Variants in RNF212B observed in about 807,000 individuals in gnomAD.
RNF212B encodes the protein E3 ubiquitin-protein ligase RNF212B.
In RNF212B, 52 loss-of-function variants were observed where a neutral mutation model predicts 55.5. The ratio of observed to expected loss-of-function variants is 0.94; its 90% CI spans 0.75 to 1.18. RNF212B has a LOEUF of 1.18. RNF212B is among the 50% of genes most tolerant of loss of function. The pLI, the probability that RNF212B is intolerant of heterozygous loss-of-function variation, is 0.00. For synonymous variants in RNF212B, 99 were observed against 121.4 expected (o/e 0.82, Z 1.21); for missense variants, 289 against 350.4 (o/e 0.82, Z 1.40).
intron 2 of RNF212B, among the ~76,000 whole-genome samples, chr14:23,213,079 G>A (rs1259833087): frequency 1.3e-5 from 2 of 151,988 alleles, no homozygotes; most frequent in Non-Finnish European, 2.9e-5. Context: ...TTGGGAGGCC[G>A]AGGTGGGCAT....
At chr14:23,212,323 G>A (rs1163524478) in intron 2 of RNF212B, among the ~76,000 whole-genome samples, 2 of 152,164 alleles carry the variant, frequency 1.3e-5, no homozygotes, top group African/African-American at 4.8e-5. Context: ...AACTGGAAAG[G>A]AAGAAGGAAA....
intron 1 of RNF212B, among the ~76,000 whole-genome samples, chr14:23,187,853 T>G (rs1877746465): frequency 6.6e-6 from 1 of 152,088 alleles, no homozygotes; most frequent in South Asian, 2.1e-4. Flanking sequence ...GTCGATTAGA[T>G]GGGGCCTTCC....
Position 23,273,221 on chromosome 14 carries a change from A to C in RNF212B, c.*330A>C, listed in dbSNP as rs1437324662. The C allele has an allele frequency of 9.7e-5, 20 of 206,248 alleles. No individual in the cohort carries two copies. The East Asian group carries it at 2.5e-3, about 26-fold the overall frequency. 12.8% of individuals were successfully genotyped at this position (206,248 alleles called of 1,614,324 possible). On this transcript the variant is annotated 3_prime_UTR_variant, in exon 15 of 15. Coordinates refer to ENST00000430154, the MANE Select transcript of RNF212B (RefSeq NM_001282322.3). ...TTGGGAGTTGGGAATGGGGATTGTG[A>C]TGGATCATATACTCATCACTGTTTC...
At chr14:23,253,468 G>C (rs974525091) in intron 4 of RNF212B, among the ~76,000 whole-genome samples, 1 of 151,902 alleles carries the variant, frequency 6.6e-6, no homozygotes, top group Non-Finnish European at 1.5e-5. Context: ...ATGTTCCTCT[G>C]TCCTCTATTT....
chr14:23,223,054 C>CAAA (rs55694130), intron 2 of RNF212B, among the ~76,000 whole-genome samples: 14 of 124,720 alleles, frequency 1.1e-4, no homozygotes, highest in East Asian at 4.6e-4. Context: ...AACTCCGTCT[C>CAAA]AAAAAAAAAA....
rs941533669 is a variant in RNF212B, at chr14:23,270,735, G to C, written c.834+74G>C. 3.1e-6 allele frequency: 3 copies of C among 979,282 alleles called. No individual in the cohort carries two copies. The Admixed American group carries it at 6.0e-5, about 20-fold the overall frequency. The allele number at this position is 979,282 out of a possible 1,614,324, so 60.7% of individuals were successfully genotyped here. On this transcript the variant is annotated intron_variant, in intron 14 of 14. Transcript: ENST00000430154. ...TAGGCCTGCACACTAAATGCCTCAG[G>C]GTAGTGGAATATAACCAGTGAAGAA...
intron 4 of RNF212B, among the ~76,000 whole-genome samples, chr14:23,247,436 C>T (rs1185817442): frequency 6.7e-6 from 1 of 148,952 alleles, no homozygotes; most frequent in Non-Finnish European, 1.5e-5. Flanking sequence ...CATCCCCAGG[C>T]GATCACTAAT....
upstream of RNF212B, among the ~76,000 whole-genome samples, chr14:23,237,319 G>C (rs558810840): frequency 1.3e-5 from 2 of 152,114 alleles, no homozygotes; most frequent in East Asian, 3.9e-4. Flanking sequence ...TAGTAGAAGC[G>C]GGGTTTCGCC....
intron 2 of RNF212B, among the ~76,000 whole-genome samples, chr14:23,225,705 C>CA (rs545133264): frequency 1.0e-3 from 151 of 150,358 alleles, no homozygotes; most frequent in Non-Finnish European, 1.8e-3. Flanking sequence ...TAATGCATAC[C>CA]AAAAAAAATA....
intron 2 of RNF212B, among the ~76,000 whole-genome samples, chr14:23,216,924 A>G (rs111619751): frequency 0.012 from 1,776 of 145,162 alleles, 36 homozygotes; most frequent in African/African-American, 0.04. Context: ...CAAAGGTTAC[A>G]GATTGTATGA....
At chr14:23,225,864 T>C (rs1284846165) in intron 2 of RNF212B, among the ~76,000 whole-genome samples, 2 of 152,122 alleles carry the variant, frequency 1.3e-5, no homozygotes, top group African/African-American at 4.8e-5. Flanking sequence ...ACACAAAGGA[T>C]AAAAGCACGA....
chr14:23,235,796 C>CT (rs1883052941), upstream of RNF212B, among the ~76,000 whole-genome samples: 1 of 152,170 alleles, frequency 6.6e-6, no homozygotes, highest in African/African-American at 2.4e-5. Flanking sequence ...CCAGTTTGGT[C>CT]TAAATGTATG....
rs1881413213 is a variant in RNF212B, at chr14:23,219,944, G to A, written c.-1-20401G>A. 2.0e-5 allele frequency among the ~76,000 whole-genome samples: 3 copies of A among 152,140 alleles called. No individual in the cohort carries two copies. The South Asian group carries it at 6.2e-4, about 32-fold the overall frequency. On this transcript the variant is annotated intron_variant, in intron 2 of 15. Coordinates refer to the RNF212B transcript ENST00000399910. ...CACACCTGTAATCCCAGCATTTTGG[G>A]AAGCCGAGGCAGGTGGATCGTTTGA... is the stretch of plus-strand genomic sequence containing the variant.
chr14:23,266,412 T>G (rs1327948198), intron 11 of RNF212B, among the ~76,000 whole-genome samples: 11 of 135,626 alleles, frequency 8.1e-5, no homozygotes, highest in South Asian at 2.3e-4. Context: ...ATGTTTTTTT[T>G]TTTTTTTTTT....
chr14:23,259,432 T>C (rs151308758), intron 5 of RNF212B: 2 of 147,032 alleles, frequency 1.4e-5, no homozygotes, highest in African/African-American at 2.5e-5. Flanking sequence ...CCTTTTTTTT[T>C]CTTCTTTTAA....
intron 1 of RNF212B, among the ~76,000 whole-genome samples, chr14:23,239,073 CT>C (rs958869409): frequency 6.6e-6 from 1 of 151,848 alleles, no homozygotes; most frequent in East Asian, 1.9e-4. Flanking sequence ...TTCTGAGTTT[CT>C]TTTTTTTCAG....
intron 2 of RNF212B, among the ~76,000 whole-genome samples, chr14:23,216,610 T>G (rs1881099872): frequency 6.6e-6 from 1 of 151,170 alleles, no homozygotes; most frequent in East Asian, 1.9e-4. Flanking sequence ...CTGGGTGTGG[T>G]GGCTCACGCC....
chr14:23,236,768 A>T (rs1394583215), upstream of RNF212B, among the ~76,000 whole-genome samples: 1 of 151,990 alleles, frequency 6.6e-6, no homozygotes, highest in Non-Finnish European at 1.5e-5. Context: ...TTTGAGAACT[A>T]CTACTCTAAG....
intron 4 of RNF212B, among the ~76,000 whole-genome samples, chr14:23,256,617 C>T (rs567078862): frequency 6.6e-6 from 1 of 152,194 alleles, no homozygotes; most frequent in Admixed American, 6.5e-5. Context: ...AGTGATCTGC[C>T]CACCTTGGTC....
Sources: gnomAD v4.1 joint callset for allele counts (sites outside exome capture counted in the v4.1 genomes callset) on GRCh38, gnomAD v4.1.1 for gene constraint, MANE v1.5 for transcripts, NCBI Gene and HGNC (gene_info 2026-07-23, HGNC 2026-07-21) for gene names.